COL27A1: variants seen among roughly 807,000 people sequenced by gnomAD.
COL27A1 encodes the protein collagen type XXVII alpha 1 chain, also known as collagen alpha-1(XXVII) chain.
COL27A1 carries 106 observed loss-of-function variants against 251.3 expected under a neutral mutation model. The ratio of observed to expected loss-of-function variants is 0.42; its 90% CI spans 0.36 to 0.50. COL27A1 has a LOEUF of 0.50. Ranked by LOEUF, COL27A1 falls within the 20% of genes least tolerant of loss-of-function variation. The probability of loss-of-function intolerance (pLI) is 0.00; values close to 1 mark genes in which losing one functional copy is unlikely to be tolerated. For synonymous variants in COL27A1, 1,000 were observed against 986.3 expected (o/e 1.01, Z -0.26); for missense variants, 2,325 against 2,522.8 (o/e 0.92, Z 1.68).
At chr9:114,307,028 C>T (rs1484441394) in intron 58 of COL27A1, 1 of 274,236 alleles carries the variant, frequency 3.6e-6, no homozygotes, top group Non-Finnish European at 7.0e-6. Context: ...CATCTGTGAG[C>T]TGATGTGGTG....
At chr9:114,156,701 C>G (rs1253318835) in intron 1 of COL27A1, among the ~76,000 whole-genome samples, 2 of 152,040 alleles carry the variant, frequency 1.3e-5, no homozygotes, top group Non-Finnish European at 2.9e-5. Context: ...GTGTACAGAT[C>G]GGGAGACAGG....
chr9:114,255,133 T>G (rs7043999), intron 27 of COL27A1, among the ~76,000 whole-genome samples: 59,529 of 152,072 alleles, frequency 0.39, 12,171 homozygotes, highest in East Asian at 0.75. Flanking sequence ...TTTTTGCCCT[T>G]TTCATGAGAA....
chr9:114,290,714 C>A lies in COL27A1; in HGVS notation c.4369-96C>A. 1.1e-6 allele frequency: 1 copy of A among 907,770 alleles called. No individual in the cohort carries two copies. The highest frequency in any genetic ancestry group is 1.7e-6 in the Non-Finnish European group (1 of 598,792). The allele number at this position is 907,770 out of a possible 1,614,324, so 56.2% of individuals were successfully genotyped here. A position where few individuals can be genotyped will look rare whatever the true frequency, so the allele number is the denominator to read the frequency against. ...CATCCTGGAGTGTGACCCCTTCCTC[C>A]AGCTTCACCCAGGGTTTGCCCAGGC... is the stretch of plus-strand genomic sequence containing the variant. On this transcript the variant is annotated intron_variant, in intron 47 of 60. Coordinates refer to ENST00000356083, the MANE Select transcript of COL27A1 (RefSeq NM_032888.4). The surrounding 1 kb of genome is among the most constrained non-coding windows in gnomAD (Gnocchi z 4.6).
rs1828964533 is a variant in COL27A1, at chr9:114,194,432, C to G, written c.2045C>G (p.Pro682Arg). Residue 682 changes from proline (P) to arginine (R), a missense_variant, in exon 6 of 61, where the codon CCA becomes CGA. Physicochemically the swap from Pro to Arg is moderately radical, Grantham distance 103. Around this residue, in one of 4 missense-constraint regions of COL27A1, gnomAD observed 1,183 missense variants for 1,144.1 expected, o/e 1.03. Coordinates refer to ENST00000356083, the MANE Select transcript of COL27A1 (RefSeq NM_032888.4). The part of the protein sequence containing the change: ...KGQKGDPGLS[P>R]GKAHDGAKGD... ...CAGAAAGGGGACCCAGGGCTCTCAC[C>G]AGGAAAGGCCCACGATGGGGCAAAG... The G allele has an allele frequency of 6.2e-7, 1 of 1,612,816 alleles. No individual in the cohort carries two copies. The highest frequency in any genetic ancestry group is 1.7e-4 in the Middle Eastern group (1 of 6,052).
intron 22 of COL27A1, among the ~76,000 whole-genome samples, chr9:114,243,204 C>G (rs1410682567): frequency 1.3e-5 from 2 of 152,206 alleles, no homozygotes; most frequent in Non-Finnish European, 2.9e-5. Flanking sequence ...CCTGCACCCC[C>G]CGATCATCTG....
intron 5 of COL27A1, among the ~76,000 whole-genome samples, chr9:114,193,200 T>G (rs35929653): frequency 0.077 from 11,723 of 152,128 alleles, 600 homozygotes; most frequent in South Asian, 0.15. Context: ...GGACAAAGAT[T>G]AAGAGCTCTT....
chr9:114,237,320 C>T (rs1832466029), intron 18 of COL27A1, among the ~76,000 whole-genome samples: 1 of 152,268 alleles, frequency 6.6e-6, no homozygotes, highest in South Asian at 2.1e-4. Context: ...TTATCAGTAA[C>T]AGCAGTGGCT....
At chr9:114,225,911 G>T (rs1235194048) in intron 14 of COL27A1, among the ~76,000 whole-genome samples, 4 of 152,154 alleles carry the variant, frequency 2.6e-5, no homozygotes, top group African/African-American at 9.7e-5. Context: ...GGGAGGCCTT[G>T]CGAAGCCGAG....
intron 12 of COL27A1, among the ~76,000 whole-genome samples, chr9:114,215,126 GC>G: frequency 6.6e-6 from 1 of 152,368 alleles, no homozygotes; most frequent in East Asian, 1.9e-4. Flanking sequence ...AAAGCTTAGA[GC>G]TGGAAGGGCC....
intron 16 of COL27A1, among the ~76,000 whole-genome samples, chr9:114,232,986 G>T (rs979292824): frequency 2.6e-5 from 4 of 152,180 alleles, no homozygotes; most frequent in African/African-American, 7.2e-5. Context: ...CAGGAGAATC[G>T]CTTGAACCTG....
intron 14 of COL27A1, among the ~76,000 whole-genome samples, chr9:114,226,920 G>A (rs1409208359): frequency 1.3e-5 from 2 of 152,186 alleles, no homozygotes; most frequent in African/African-American, 2.4e-5. Flanking sequence ...GGCCCTGAGC[G>A]AGAGGCATGG....
At chr9:114,181,458 T>C (rs1827908315) in intron 4 of COL27A1, among the ~76,000 whole-genome samples, 1 of 152,058 alleles carries the variant, frequency 6.6e-6, no homozygotes, top group Non-Finnish European at 1.5e-5. Context: ...GCTGGGAAGC[T>C]GGCCTCAGAG....
chr9:114,196,219 C>T lies in COL27A1; in HGVS notation c.2124+207C>T, dbSNP rs542639288. Among the ~76,000 whole-genome samples, 5 of 152,324 alleles carry T rather than the reference C, an allele frequency of 3.3e-5. No individual in the cohort carries two copies. In the South Asian group the frequency reaches 8.3e-4, roughly 25 times the overall value. On this transcript the variant is annotated intron_variant, in intron 7 of 60. Coordinates refer to ENST00000356083, the MANE Select transcript of COL27A1 (RefSeq NM_032888.4). ...ATACCTCGGCTCGTAGTAGGTGCCT[C>T]CCACCACGGTTAATGAGGTAGCATA...
intron 11 of COL27A1, 41 bp downstream of exon 11, chr9:114,209,769 C>T: frequency 6.3e-7 from 1 of 1,591,910 alleles, no homozygotes; most frequent in Non-Finnish European, 8.6e-7. Context: ...CACAGCCACC[C>T]CTGCCCAAAC....
intron 3 of COL27A1, 39 bp from the exon 4 acceptor site, chr9:114,178,252 T>C (rs1827621326): frequency 6.4e-7 from 1 of 1,565,514 alleles, no homozygotes; most frequent in Non-Finnish European, 8.8e-7. Context: ...CTGCTGCCAG[T>C]GGGCACTGTC....
At chr9:114,221,498 C>G (rs560507688) in intron 13 of COL27A1, among the ~76,000 whole-genome samples, 1 of 152,318 alleles carries the variant, frequency 6.6e-6, no homozygotes, top group South Asian at 2.1e-4. Flanking sequence ...CTTCTCATTG[C>G]TAATTACAAT....
At chr9:114,230,718 G>A (rs1043349837) in intron 14 of COL27A1, among the ~76,000 whole-genome samples, 2 of 152,158 alleles carry the variant, frequency 1.3e-5, no homozygotes, top group African/African-American at 4.8e-5. Context: ...TCTTACAGCA[G>A]CTCCGGGGGG....
At chr9:114,199,821 G>A (rs957659815) in intron 7 of COL27A1, among the ~76,000 whole-genome samples, 3 of 152,054 alleles carry the variant, frequency 2.0e-5, no homozygotes, top group East Asian at 3.9e-4. Flanking sequence ...CAACTCCCTC[G>A]CTCCTCACCT....
At chr9:114,250,805 G>T in intron 25 of COL27A1, 137 bp downstream of exon 25, 1 of 720,212 alleles carries the variant, frequency 1.4e-6, no homozygotes, top group Admixed American at 2.3e-5. Context: ...TTCTGAGTCT[G>T]CCAAGAGACA....
Sources: gnomAD v4.1 joint callset for allele counts (sites outside exome capture counted in the v4.1 genomes callset) on GRCh38, gnomAD v4.1.1 for gene constraint, gnomAD v4.1.1 regional missense constraint, Gnocchi (gnomAD v3.1) non-coding constraint, MANE v1.5 for transcripts, NCBI Gene and HGNC (gene_info 2026-07-23, HGNC 2026-07-21) for gene names.